The following TRHDE variants were observed in gnomAD, a reference collection of about 807,000 sequenced individuals.
TRHDE encodes the protein thyrotropin releasing hormone degrading enzyme, also known as thyrotropin-releasing hormone-degrading ectoenzyme.
Under a neutral mutation model 125.7 loss-of-function variants are expected in TRHDE, and 72 were observed. That is an observed-to-expected ratio of 0.57 (90% CI 0.47 to 0.70). The LOEUF is 0.70. TRHDE is among the 30% of genes least tolerant of loss of function. The probability of loss-of-function intolerance (pLI) is 0.00; values close to 1 mark genes in which losing one functional copy is unlikely to be tolerated. For missense variants in TRHDE, 1,110 were observed against 1,327.1 expected, an observed-to-expected ratio of 0.84 and a Z score of 2.54; for synonymous variants, 509 against 509.1, an observed-to-expected ratio of 1.00 and a Z score of 0.00.
In TRHDE at chr12:72,627,778, C is replaced by G. The variant is rs143967590; in HGVS notation, c.2675+6027C>G. Among the ~76,000 whole-genome samples the G allele has an allele frequency of 2.3e-3, 353 of 151,714 alleles. 2 individuals carry two copies. Among genetic ancestry groups the G allele is most frequent in the African/African-American group, 7.6e-3 (313 of 41,432 alleles). On this transcript the variant is annotated intron_variant, in intron 15 of 18. Coordinates refer to ENST00000261180, the MANE Select transcript of TRHDE (RefSeq NM_013381.3). ...TACTTCACCCTCAAACTCCTAGGCT[C>G]AAGTAACACTCCCACTTCAGCATCC... is the stretch of plus-strand genomic sequence containing the variant.
At chr12:72,104,049 ATTATTC>A (rs1875126749) in intron 1 of TRHDE, among the ~76,000 whole-genome samples, 4 of 152,162 alleles carry the variant, frequency 2.6e-5, no homozygotes, top group Non-Finnish European at 5.9e-5. Context: ...TTCTGGAAGA[ATTATTC>A]AAGCTCAGAG....
In TRHDE at chr12:72,481,334, A is replaced by C. The variant is rs188858821; in HGVS notation, c.1584+8154A>C. ...TCAAGTGATAGAATAAAAAAAAAAA[A>C]AACCAGAAAAATAGAAAAGAGCCTC... On this transcript the variant is annotated intron_variant, in intron 5 of 18. Coordinates refer to ENST00000261180, the MANE Select transcript of TRHDE (RefSeq NM_013381.3). 4.5e-4 allele frequency among the ~76,000 whole-genome samples: 68 copies of C among 151,600 alleles called. No homozygotes were observed. In the East Asian group the frequency reaches 0.012, roughly 27 times the overall value.
chr12:72,096,237 C>G (rs1439306618), intron 1 of TRHDE, among the ~76,000 whole-genome samples: 3 of 151,634 alleles, frequency 2.0e-5, no homozygotes, highest in Admixed American at 1.3e-4. Context: ...TTTCTCTAAT[C>G]CAGCATTTGG....
chr12:72,127,814 T>A (rs1218631293), intron 2 of TRHDE, among the ~76,000 whole-genome samples: 3 of 151,970 alleles, frequency 2.0e-5, no homozygotes, highest in Non-Finnish European at 4.4e-5. Flanking sequence ...ATCTCCTGAG[T>A]CTAAAATAAA....
chr12:72,359,734 T>C (rs1407038092), intron 2 of TRHDE, among the ~76,000 whole-genome samples: 1 of 151,690 alleles, frequency 6.6e-6, no homozygotes, highest in Non-Finnish European at 1.5e-5. Flanking sequence ...GCAAATACAG[T>C]GCAGTGCTAG....
chr12:72,110,352 G>T (rs1875288687), intron 2 of TRHDE, among the ~76,000 whole-genome samples: 1 of 152,046 alleles, frequency 6.6e-6, no homozygotes, highest in Non-Finnish European at 1.5e-5. Flanking sequence ...TACAAGTGAG[G>T]AAGACAAGGT....
intron 15 of TRHDE, among the ~76,000 whole-genome samples, chr12:72,635,925 G>C (rs2136092132): frequency 6.6e-6 from 1 of 152,228 alleles, no homozygotes; most frequent in African/African-American, 2.4e-5. Flanking sequence ...ATAGTTTGAA[G>C]TCAGGTAGCA....
Position 72,611,270 on chromosome 12 carries a change from C to A in TRHDE, c.2322-7621C>A, listed in dbSNP as rs140489309. 51 of 161,498 alleles carry A rather than the reference C, an allele frequency of 3.2e-4. 1 individual carries two copies. Among genetic ancestry groups the A allele is most frequent in the Middle Eastern group, 5.5e-3 (2 of 364 alleles). The allele number at this position is 161,498 out of a possible 1,614,324, so 10.0% of individuals were successfully genotyped here. A position where few individuals can be genotyped will look rare whatever the true frequency, so the allele number is the denominator to read the frequency against. On this transcript the variant is annotated intron_variant, in intron 12 of 18. Transcript: ENST00000261180. ...CCCTCAGTGGCTTTGCACTAGCCAG[C>A]GTGTAAGTGTGCTGTGTTCATTATG...
chr12:72,399,994 C>T (rs1050131022), intron 3 of TRHDE, among the ~76,000 whole-genome samples: 1 of 151,992 alleles, frequency 6.6e-6, no homozygotes, highest in African/African-American at 2.4e-5. Context: ...TAATCTTGGG[C>T]AAAAATCTCT....
At chr12:72,139,940 G>C (rs1309697466) in intron 2 of TRHDE, among the ~76,000 whole-genome samples, 1 of 152,124 alleles carries the variant, frequency 6.6e-6, no homozygotes, top group Admixed American at 6.5e-5. Flanking sequence ...AAAACTTTAA[G>C]ACTTACGAAA....
intron 12 of TRHDE, 79 bp from the exon 13 acceptor site, chr12:72,618,812 G>T: frequency 1.9e-5 from 22 of 1,171,620 alleles, no homozygotes; most frequent in Non-Finnish European, 2.5e-5. Context: ...GATGAATTTT[G>T]CTTTTCCGTC....
chr12:72,297,223 A>G (rs1045634590), intron 2 of TRHDE, among the ~76,000 whole-genome samples: 4 of 152,160 alleles, frequency 2.6e-5, no homozygotes, highest in Admixed American at 6.5e-5. Flanking sequence ...TACCCGGAGA[A>G]GCAGGGAGGC....
At chr12:72,557,037 T>C (rs1168960174) in intron 7 of TRHDE, among the ~76,000 whole-genome samples, 1 of 152,172 alleles carries the variant, frequency 6.6e-6, no homozygotes, top group African/African-American at 2.4e-5. Context: ...GTTCTCACCC[T>C]GTTATAAACA....
intron 2 of TRHDE, among the ~76,000 whole-genome samples, chr12:72,349,045 A>G (rs921450065): frequency 3.9e-5 from 6 of 152,012 alleles, no homozygotes; most frequent in African/African-American, 1.4e-4. Flanking sequence ...GAGGGAATGT[A>G]GTCTCCCTCT....
intron 2 of TRHDE, among the ~76,000 whole-genome samples, chr12:72,157,454 A>C (rs2139326061): frequency 6.6e-6 from 1 of 152,342 alleles, no homozygotes; most frequent in Middle Eastern, 3.4e-3. Context: ...TAGTTCAAGC[A>C]AGAGATGATG....
intron 2 of TRHDE, among the ~76,000 whole-genome samples, chr12:72,124,276 C>A (rs537623119): frequency 2.0e-5 from 3 of 152,094 alleles, no homozygotes; most frequent in Non-Finnish European, 4.4e-5. Flanking sequence ...GTTTTCCAGG[C>A]CTTCTTCTAG....
At chr12:72,204,710 C>A (rs923756837) in intron 2 of TRHDE, among the ~76,000 whole-genome samples, 20 of 152,234 alleles carry the variant, frequency 1.3e-4, no homozygotes, top group African/African-American at 4.6e-4. Context: ...TCTTTAAGGT[C>A]AATAACTATC....
chr12:72,619,025 A>G lies in TRHDE; in HGVS notation c.2456A>G (p.Tyr819Cys). The G allele has an allele frequency of 6.4e-7, 1 of 1,557,990 alleles. No individual in the cohort carries two copies. Among genetic ancestry groups the G allele is most frequent in the Non-Finnish European group, 8.6e-7 (1 of 1,157,596 alleles). ...AAATTACTGGACCGCATGGAAAACT[A>G]CAACATTTTCAATGTAAAAAGATAT... is the stretch of plus-strand genomic sequence containing the variant. ...LDKLLDRMEN[Y>C]NIFNEYILKQ... Residue 819 changes from tyrosine (Y) to cysteine (C), a missense_variant, in exon 13 of 19, where the codon TAC becomes TGC. Physicochemically the swap from Tyr to Cys is radical, Grantham distance 194 (BLOSUM62 -2). Around this residue, in one of 5 missense-constraint regions of TRHDE, gnomAD observed 527 missense variants for 651.8 expected, o/e 0.81. Transcript: ENST00000261180.
At chr12:72,519,606 G>A (rs931237274) in intron 6 of TRHDE, among the ~76,000 whole-genome samples, 8 of 152,100 alleles carry the variant, frequency 5.3e-5, no homozygotes, top group East Asian at 1.9e-4. Flanking sequence ...CCAGTAGCTC[G>A]GAGTAATTTG....
Sources: allele counts gnomAD v4.1 joint callset (sites outside exome capture counted in the v4.1 genomes callset), GRCh38; gene constraint gnomAD v4.1.1; regional missense constraint gnomAD v4.1.1; transcripts MANE v1.5; gene names NCBI Gene and HGNC (gene_info 2026-07-23, HGNC 2026-07-21).